KIAA1671: variants seen among roughly 807,000 people sequenced by gnomAD.
The protein encoded by KIAA1671 is KIAA1671.
A neutral mutation model predicts 131.2 loss-of-function variants in KIAA1671; 52 were observed. That is an observed-to-expected ratio of 0.40 (90% CI 0.32 to 0.50). KIAA1671 has a LOEUF of 0.50. Among genes scored for constraint, KIAA1671 ranks in the 20% least tolerant of loss-of-function variants. The pLI, the probability that KIAA1671 is intolerant of heterozygous loss-of-function variation, is 0.73. For synonymous variants in KIAA1671, 1,003 were observed against 961.6 expected (o/e 1.04, Z -0.80); for missense variants, 2,360 against 2,364.2 (o/e 1.00, Z 0.04).
At chr22:24,979,066 C>T (rs1198101157) in intron 1 of KIAA1671, among the ~76,000 whole-genome samples, 20 of 150,538 alleles carry the variant, frequency 1.3e-4, no homozygotes, top group Non-Finnish European at 2.8e-4. Flanking sequence ...TGCGATCTTG[C>T]CTCACTGCAA....
intron 6 of KIAA1671, among the ~76,000 whole-genome samples, chr22:25,113,254 ATTCAC>A (rs1931469865): frequency 6.6e-6 from 1 of 152,144 alleles, no homozygotes; most frequent in African/African-American, 2.4e-5. Flanking sequence ...TGACCTCCCC[ATTCAC>A]GGCTCTTTGC....
intron 1 of KIAA1671, among the ~76,000 whole-genome samples, chr22:24,976,779 A>T (rs555560775): frequency 6.6e-6 from 1 of 151,970 alleles, no homozygotes; most frequent in African/African-American, 2.4e-5. Context: ...CTCGTGCAAG[A>T]GACGCACTGC....
At chr22:25,135,033 C>T (rs1932611445) in intron 6 of KIAA1671, among the ~76,000 whole-genome samples, 1 of 152,096 alleles carries the variant, frequency 6.6e-6, no homozygotes, top group Non-Finnish European at 1.5e-5. Context: ...CATTGAGTTG[C>T]CAAAGGATTG....
Position 25,040,979 on chromosome 22 carries a change from C to T in KIAA1671, c.3849C>T (p.Thr1283=). The T allele has an allele frequency of 6.8e-7, 1 of 1,475,940 alleles. No individual in the cohort carries two copies. The highest frequency in any genetic ancestry group is 9.0e-7 in the Non-Finnish European group (1 of 1,113,006). The allele number at this position is 1,475,940 out of a possible 1,614,324, so 91.4% of individuals were successfully genotyped here. A position where few individuals can be genotyped will look rare whatever the true frequency, so the allele number is the denominator to read the frequency against. Residue 1283 remains threonine, a synonymous_variant, in exon 5 of 13, where the codon ACC becomes ACT. Transcript: ENST00000358431. ...TPGLGKQLAE[T]LETAMGTKSS... ...GCTTAGGCAAGCAGCTGGCAGAGAC[C>T]TTGGAGACAGCCATGGGCACCAAAT... is the stretch of plus-strand genomic sequence containing the variant.
chr22:25,041,786 C>T (rs1016535544), intron 5 of KIAA1671, among the ~76,000 whole-genome samples: 3 of 152,168 alleles, frequency 2.0e-5, no homozygotes, highest in African/African-American at 7.2e-5. Context: ...GCTTAGTTGC[C>T]CAGGCTGGAG....
intron 1 of KIAA1671, chr22:25,024,069 A>G (rs1878909247): frequency 6.6e-6 from 1 of 152,228 alleles, no homozygotes; most frequent in Admixed American, 6.5e-5. Context: ...TTGCAATGGT[A>G]ACTTGAGAGG....
In KIAA1671 at chr22:25,121,749, G is replaced by A. The variant is rs575231977; in HGVS notation, c.4531-49071G>A. On this transcript the variant is annotated intron_variant, in intron 6 of 12. Coordinates refer to ENST00000358431, the MANE Select transcript of KIAA1671 (RefSeq NM_001145206.2). ...CACAGATATAATAGACATAAGTGAC[G>A]GCAAGCCCGTGGAAAATAATAAAAT... 1.0e-3 allele frequency among the ~76,000 whole-genome samples: 157 copies of A among 152,270 alleles called. 1 individual carries two copies. Among genetic ancestry groups the A allele is most frequent in the African/African-American group, 3.7e-3 (153 of 41,552 alleles).
chr22:25,151,429 CTTTTTTTT>C (rs67444002), intron 6 of KIAA1671, among the ~76,000 whole-genome samples: 2 of 104,764 alleles, frequency 1.9e-5, no homozygotes, highest in Non-Finnish European at 3.7e-5. Context: ...AACATGAACT[CTTTTTTTT>C]TTTTTTTTTT....
chr22:25,072,575 T>G (rs1928886725), intron 6 of KIAA1671, among the ~76,000 whole-genome samples: 1 of 152,138 alleles, frequency 6.6e-6, no homozygotes, highest in Admixed American at 6.5e-5. Context: ...TTAGCCCAGG[T>G]GTCTGCACTT....
At position 25,078,769 on chromosome 22, in the gene KIAA1671, T is replaced by C. The variant is rs144145255; in HGVS notation, c.4530+29405T>C. On this transcript the variant is annotated intron_variant, in intron 6 of 12. Transcript: ENST00000358431. ...GTGGCTGAAATAGAAGAACTGACTATTTTTGTGCTGTTTGAGTTGGGCCTG... is the reference window on the plus strand; with the variant it reads ...GTGGCTGAAATAGAAGAACTGACTACTTTTGTGCTGTTTGAGTTGGGCCTG... 2.6e-5 allele frequency among the ~76,000 whole-genome samples: 4 copies of C among 152,262 alleles called. No individual in the cohort carries two copies. In the East Asian group the frequency reaches 7.7e-4, roughly 29 times the overall value.
intron 6 of KIAA1671, among the ~76,000 whole-genome samples, chr22:25,093,760 C>CTG (rs1930200288): frequency 3.6e-5 from 4 of 112,564 alleles, no homozygotes; most frequent in East Asian, 4.9e-4. Context: ...CTCTCTCTCT[C>CTG]TCTCTCTGTC....
intron 6 of KIAA1671, among the ~76,000 whole-genome samples, chr22:25,166,179 C>G (rs778985035): frequency 6.6e-6 from 1 of 152,132 alleles, no homozygotes; most frequent in Non-Finnish European, 1.5e-5. Flanking sequence ...GAGAAAGAGA[C>G]TTTGAAGGAC....
In KIAA1671 at chr22:25,014,734, T is replaced by C. The variant is rs537036487; in HGVS notation, c.-207-10899T>C. 5 of 152,176 alleles carry C rather than the reference T, an allele frequency of 3.3e-5. No homozygotes were observed. The East Asian group carries it at 9.7e-4, about 29-fold the overall frequency. The allele number at this position is 152,176 out of a possible 1,614,324, so 9.4% of individuals were successfully genotyped here. ...TTACGATTATTAAAAACACTTTTGT[T>C]TGTGTGTATTGAATTTTTCTGTCGT... On this transcript the variant is annotated intron_variant, in intron 1 of 12. Transcript: ENST00000358431.
intron 6 of KIAA1671, among the ~76,000 whole-genome samples, chr22:25,151,509 A>G (rs887855521): frequency 2.1e-5 from 3 of 144,162 alleles, no homozygotes; most frequent in African/African-American, 7.8e-5. Flanking sequence ...ATCTAAGGTC[A>G]CTGCAACTTC....
chr22:24,983,512 G>T (rs1233823413), intron 1 of KIAA1671, among the ~76,000 whole-genome samples: 1 of 151,786 alleles, frequency 6.6e-6, no homozygotes, highest in Non-Finnish European at 1.5e-5. Flanking sequence ...CGCATTCTGA[G>T]ATTACAGGTG....
chr22:25,188,857 G>A (rs1158968915), intron 11 of KIAA1671, among the ~76,000 whole-genome samples: 1 of 152,152 alleles, frequency 6.6e-6, no homozygotes, highest in Non-Finnish European at 1.5e-5. Flanking sequence ...TGCCTCAGGG[G>A]CGGCAGAGGC....
rs1933825212 is a variant in KIAA1671 at position 25,170,914 on chromosome 22, C to T, written c.4625C>T (p.Thr1542Ile). The T allele has an allele frequency of 1.9e-6, 3 of 1,551,522 alleles. No individual in the cohort carries two copies. The highest frequency in any genetic ancestry group is 2.6e-6 in the Non-Finnish European group (3 of 1,147,002). ...HEAGSQYGTW[T>I]EQCQSGESLA... ...GCCGGCAGCCAGTATGGGACGTGGA[C>T]AGAGCAGTGCCAGAGTGGGGAGAGG... The change falls in exon 7 of 13, where the codon ACA becomes ATA. Residue 1542 changes from threonine (T) to isoleucine (I), a missense_variant. Around this residue, in one of 3 missense-constraint regions of KIAA1671, gnomAD observed 1,161 missense variants for 1,204.7 expected, o/e 0.96. Transcript: ENST00000358431.
At position 25,040,684 on chromosome 22, in the gene KIAA1671, C is replaced by T. The variant is rs1334364170; in HGVS notation, c.3554C>T (p.Thr1185Met). Residue 1185 changes from threonine to methionine, a missense_variant, in exon 5 of 13, where the codon ACG becomes ATG. Transcript: ENST00000358431. Reference sequence around the variant, plus strand: ...AGGAAGACTGATGTGATCAGTGACACGTTCCCAGGTAAAATCAGAGATGGC... The same window carrying T: ...AGGAAGACTGATGTGATCAGTGACATGTTCCCAGGTAAAATCAGAGATGGC... ...VRRKTDVISDTFPGKIRDGYR... is the reference protein window; with the variant it reads ...VRRKTDVISDMFPGKIRDGYR... 1.7e-5 allele frequency: 26 copies of T among 1,552,046 alleles called. No homozygotes were observed. The highest frequency in any genetic ancestry group is 2.4e-5 in the East Asian group (1 of 40,936).
chr22:25,170,332 C>A (rs1933802852), intron 6 of KIAA1671, among the ~76,000 whole-genome samples: 1 of 152,332 alleles, frequency 6.6e-6, no homozygotes, highest in South Asian at 2.1e-4. Context: ...GTCAAGAGCT[C>A]AGCCCAATGC....
Sources: gnomAD v4.1 joint callset for allele counts (sites outside exome capture counted in the v4.1 genomes callset) on GRCh38, gnomAD v4.1.1 for gene constraint, gnomAD v4.1.1 regional missense constraint, MANE v1.5 for transcripts, NCBI Gene and HGNC (gene_info 2026-07-23, HGNC 2026-07-21) for gene names.